SYT16: variants seen among roughly 807,000 people sequenced by gnomAD.
SYT16 encodes the protein synaptotagmin 16.
SYT16 carries 42 observed loss-of-function variants against 61.4 expected under a neutral mutation model. The observed-to-expected ratio is 0.68, with a 90% CI of 0.53 to 0.89. The LOEUF (loss-of-function observed/expected upper bound fraction) is 0.89, where lower values mean the gene tolerates loss of function less well. Ranked by LOEUF, SYT16 falls within the 40% of genes least tolerant of loss-of-function variation. The pLI is 0.00. For missense variants in SYT16, 804 were observed against 807.3 expected (o/e 1.00, Z 0.05); for synonymous variants, 314 against 302.3 (o/e 1.04, Z -0.40).
intron 1 of SYT16, among the ~76,000 whole-genome samples, chr14:61,905,560 C>T (rs1206134305): frequency 6.6e-6 from 1 of 152,286 alleles, no homozygotes; most frequent in African/African-American, 2.4e-5. Context: ...CTTCCAAACC[C>T]AGCCTATGGC....
At chr14:61,898,510 A>G (rs918870074) in intron 1 of SYT16, among the ~76,000 whole-genome samples, 3 of 152,212 alleles carry the variant, frequency 2.0e-5, no homozygotes, top group African/African-American at 7.2e-5. Context: ...GTCAGATCTC[A>G]TGGAGGAAAT....
At chr14:61,832,372 T>A (rs1473564172) in intron 1 of SYT16, 3 of 554,098 alleles carry the variant, frequency 5.4e-6, no homozygotes, top group Non-Finnish European at 1.1e-5. Context: ...GCCAACATTC[T>A]GCCGCAGCTG....
At chr14:61,983,959 T>C (rs1295573757) in intron 2 of SYT16, among the ~76,000 whole-genome samples, 1 of 152,226 alleles carries the variant, frequency 6.6e-6, no homozygotes, top group Non-Finnish European at 1.5e-5. Flanking sequence ...GAACATTTGA[T>C]GGGAACAGGG....
intron 1 of SYT16, chr14:61,865,034 T>C (rs2047099631): frequency 1.4e-6 from 2 of 1,410,666 alleles, no homozygotes; most frequent in Non-Finnish European, 2.0e-6. Context: ...GCATTTCTGC[T>C]GTATTCGGCT....
chr14:61,847,231 G>C (rs1477788877), intron 1 of SYT16, among the ~76,000 whole-genome samples: 18 of 152,122 alleles, frequency 1.2e-4, no homozygotes. Flanking sequence ...TTGTTGGACA[G>C]GTCTGGTGTT....
At chr14:61,904,354 C>G (rs558394844) in intron 1 of SYT16, among the ~76,000 whole-genome samples, 20 of 152,284 alleles carry the variant, frequency 1.3e-4, no homozygotes, top group African/African-American at 4.8e-4. Context: ...AAGGCAGATG[C>G]CAGCTTCCTT....
intron 1 of SYT16, among the ~76,000 whole-genome samples, chr14:61,837,735 G>C (rs906226112): frequency 1.3e-5 from 2 of 152,154 alleles, no homozygotes; most frequent in Non-Finnish European, 2.9e-5. Context: ...GTGCATTCCA[G>C]AACAGCCACG....
At chr14:61,945,549 GCAGT>G (rs1489136988) in intron 1 of SYT16, among the ~76,000 whole-genome samples, 6 of 152,176 alleles carry the variant, frequency 3.9e-5, no homozygotes, top group African/African-American at 1.4e-4. Context: ...GGAATACTAT[GCAGT>G]CATAAAAAAG....
rs1477262934 is a variant in SYT16, at chr14:62,109,742, C to T, written c.*9035C>T. On this transcript the variant is annotated 3_prime_UTR_variant, in exon 8 of 8. Transcript: ENST00000683842. ...GTTGAGCAATGAGTTAAATACCTGT[C>T]GATAAAAAGTGTTAATTATGTTATT... 2 of 151,982 alleles carry T rather than the reference C, an allele frequency of 1.3e-5. No homozygotes were observed. Among genetic ancestry groups the T allele is most frequent in the African/African-American group, 2.4e-5 (1 of 41,394 alleles). 9.4% of individuals were successfully genotyped at this position (151,982 alleles called of 1,614,324 possible). A position where few individuals can be genotyped will look rare whatever the true frequency, so the allele number is the denominator to read the frequency against.
chr14:62,070,778 T>C (rs971984486), intron 4 of SYT16, among the ~76,000 whole-genome samples: 1 of 152,222 alleles, frequency 6.6e-6, no homozygotes, highest in Non-Finnish European at 1.5e-5. Context: ...TGACCTGGTC[T>C]CAGTTACCTG....
At chr14:62,075,566 A>G (rs1425983951) in intron 5 of SYT16, among the ~76,000 whole-genome samples, 175 bp downstream of exon 5, 1 of 150,754 alleles carries the variant, frequency 6.6e-6, no homozygotes, top group African/African-American at 2.4e-5. Flanking sequence ...TAAAAGAGTC[A>G]TAAATTTCTC....
chr14:61,953,759 T>G (rs1291851052), intron 1 of SYT16, among the ~76,000 whole-genome samples: 14 of 152,226 alleles, frequency 9.2e-5, no homozygotes, highest in African/African-American at 3.4e-4. Flanking sequence ...TGGGTCAACC[T>G]GAGTGGTAGA....
At chr14:61,839,979 A>G (rs1051421334) in intron 1 of SYT16, among the ~76,000 whole-genome samples, 48 of 152,132 alleles carry the variant, frequency 3.2e-4, no homozygotes, top group Admixed American at 1.2e-3. Flanking sequence ...GTTAGTGATT[A>G]TTGGATTAGG....
At chr14:62,010,977 A>C (rs1413139918) in intron 3 of SYT16, among the ~76,000 whole-genome samples, 1 of 152,200 alleles carries the variant, frequency 6.6e-6, no homozygotes, top group Non-Finnish European at 1.5e-5. Context: ...GGTGTCTGCT[A>C]AATCAGTTTG....
At chr14:61,842,675 A>G (rs1039361857) in intron 1 of SYT16, among the ~76,000 whole-genome samples, 1 of 152,052 alleles carries the variant, frequency 6.6e-6, no homozygotes, top group African/African-American at 2.4e-5. Flanking sequence ...TATCGCAAGG[A>G]CAAAAAACCA....
chr14:62,106,756 C>G lies in SYT16; in HGVS notation c.*6049C>G, dbSNP rs2057521423. 6.6e-6 allele frequency: 1 copy of G among 151,940 alleles called. No homozygotes were observed. The allele number at this position is 151,940 out of a possible 1,614,324, so 9.4% of individuals were successfully genotyped here. On this transcript the variant is annotated 3_prime_UTR_variant, in exon 8 of 8. Transcript: ENST00000683842. Reference sequence around the variant, plus strand: ...TATGGTGCTTTGACTGTTTTTGTTTCCCTTGGGTCACAAAACCATATCCTA... The same window carrying G: ...TATGGTGCTTTGACTGTTTTTGTTTGCCTTGGGTCACAAAACCATATCCTA...
intron 5 of SYT16, among the ~76,000 whole-genome samples, chr14:62,078,155 C>A (rs7152078): frequency 0.11 from 15,466 of 135,612 alleles, 866 homozygotes; most frequent in African/African-American, 0.17. Context: ...CTCTCTCTCT[C>A]TATATATATA....
chr14:62,065,690 C>G (rs1406723652), intron 3 of SYT16, among the ~76,000 whole-genome samples: 1 of 152,150 alleles, frequency 6.6e-6, no homozygotes, highest in Non-Finnish European at 1.5e-5. Flanking sequence ...CAATTGTTGT[C>G]TAATCCAGAC....
intron 1 of SYT16, among the ~76,000 whole-genome samples, chr14:61,916,278 G>A (rs2049117709): frequency 6.6e-6 from 1 of 152,082 alleles, no homozygotes; most frequent in African/African-American, 2.4e-5. Context: ...TAAAAAATGA[G>A]TGAGAAACAT....
Sources: gnomAD v4.1 joint callset for allele counts (sites outside exome capture counted in the v4.1 genomes callset) on GRCh38, gnomAD v4.1.1 for gene constraint, MANE v1.5 for transcripts, NCBI Gene and HGNC (gene_info 2026-07-23, HGNC 2026-07-21) for gene names.